PCDH9: variants seen among roughly 807,000 people sequenced by gnomAD.
PCDH9 encodes protocadherin-9.
PCDH9 carries 24 observed loss-of-function variants against 70.6 expected under a neutral mutation model. The observed-to-expected ratio is 0.34, with a 90% confidence interval of 0.25 to 0.48. The LOEUF (loss-of-function observed/expected upper bound fraction) is 0.48, where lower values mean the gene tolerates loss of function less well. Ranked by LOEUF, PCDH9 falls within the 20% of genes least tolerant of loss-of-function variation. The pLI is 0.99. For missense variants in PCDH9, 1,281 were observed against 1,503.6 expected, an observed-to-expected ratio of 0.85 and a Z score of 2.45; for synonymous variants, 562 against 558.5, an observed-to-expected ratio of 1.01 and a Z score of -0.09.
chr13:66,997,783 T>A (rs2084152088), intron 2 of PCDH9, among the ~76,000 whole-genome samples: 1 of 152,158 alleles, frequency 6.6e-6, no homozygotes, highest in Non-Finnish European at 1.5e-5. Flanking sequence ...TCCGCCTGCC[T>A]TGGCCTCCCA....
intron 3 of PCDH9, among the ~76,000 whole-genome samples, chr13:66,733,487 C>G (rs1417212524): frequency 2.0e-5 from 3 of 152,092 alleles, no homozygotes; most frequent in Non-Finnish European, 2.9e-5. Flanking sequence ...AATTCATTCC[C>G]TAGTTTGGCA....
intron 3 of PCDH9, among the ~76,000 whole-genome samples, chr13:66,752,798 C>A (rs2079480914): frequency 6.6e-6 from 1 of 152,144 alleles, no homozygotes; most frequent in South Asian, 2.1e-4. Context: ...CACACATACA[C>A]AATGTGGATT....
At chr13:66,693,140 T>C (rs1417625179) in intron 3 of PCDH9, among the ~76,000 whole-genome samples, 1 of 152,096 alleles carries the variant, frequency 6.6e-6, no homozygotes, top group African/African-American at 2.4e-5. Flanking sequence ...AACCTTGTCA[T>C]CTTGTCAAAA....
At chr13:66,372,841 C>G (rs1956681265) in intron 4 of PCDH9, among the ~76,000 whole-genome samples, 1 of 151,826 alleles carries the variant, frequency 6.6e-6, no homozygotes, top group Non-Finnish European at 1.5e-5. Context: ...TTAGATGACC[C>G]TAATTTAGCC....
At chr13:66,686,306 C>A (rs1039503851) in intron 3 of PCDH9, among the ~76,000 whole-genome samples, 2 of 152,104 alleles carry the variant, frequency 1.3e-5, no homozygotes, top group Non-Finnish European at 2.9e-5. Flanking sequence ...TTTTGCTTGG[C>A]ACTTATCTTT....
At chr13:66,599,143 C>T (rs1035968097) in intron 4 of PCDH9, among the ~76,000 whole-genome samples, 12 of 151,498 alleles carry the variant, frequency 7.9e-5, no homozygotes, top group African/African-American at 1.7e-4. Flanking sequence ...AATATATATG[C>T]ATTTTATTTT....
chr13:66,666,047 C>G (rs1015726561), intron 3 of PCDH9, among the ~76,000 whole-genome samples: 1 of 152,168 alleles, frequency 6.6e-6, no homozygotes, highest in African/African-American at 2.4e-5. Context: ...AGCAAGTGAA[C>G]AGATACTGTT....
chr13:67,192,407 G>T (rs191444572), intron 2 of PCDH9, among the ~76,000 whole-genome samples: 12 of 152,062 alleles, frequency 7.9e-5, no homozygotes, highest in Admixed American at 7.9e-4. Context: ...TTTCTCTGAC[G>T]ATCCCAGTCA....
chr13:66,460,517 A>G (rs531773188), intron 4 of PCDH9, among the ~76,000 whole-genome samples: 2 of 152,020 alleles, frequency 1.3e-5, no homozygotes, highest in Non-Finnish European at 2.9e-5. Flanking sequence ...ACTTTAAAGT[A>G]GAAACATAAC....
At chr13:67,025,065 T>C (rs1436853077) in intron 2 of PCDH9, among the ~76,000 whole-genome samples, 4 of 152,130 alleles carry the variant, frequency 2.6e-5, no homozygotes, top group Non-Finnish European at 4.4e-5. Flanking sequence ...ATGAAGTATA[T>C]GTTATTATTT....
intron 4 of PCDH9, among the ~76,000 whole-genome samples, chr13:66,317,921 C>T (rs1955683300): frequency 6.6e-6 from 1 of 151,902 alleles, no homozygotes; most frequent in Non-Finnish European, 1.5e-5. Context: ...TTGTGAAATA[C>T]ATTGCTTAAA....
chr13:66,984,223 G>A (rs2083841026), intron 2 of PCDH9, among the ~76,000 whole-genome samples: 2 of 151,982 alleles, frequency 1.3e-5, no homozygotes, highest in South Asian at 2.1e-4. Flanking sequence ...CACAAAACAG[G>A]GAAATTGCTC....
At chr13:67,050,981 A>G (rs1227469034) in intron 2 of PCDH9, among the ~76,000 whole-genome samples, 1 of 152,216 alleles carries the variant, frequency 6.6e-6, no homozygotes, top group Non-Finnish European at 1.5e-5. Flanking sequence ...AAGCTCAACA[A>G]GCAATAGATA....
At chr13:66,911,722 A>G (rs893487637) in intron 2 of PCDH9, among the ~76,000 whole-genome samples, 1 of 152,192 alleles carries the variant, frequency 6.6e-6, no homozygotes, top group African/African-American at 2.4e-5. Flanking sequence ...GTTTTAAATT[A>G]CAGGATTACA....
At chr13:66,427,592 T>C (rs1047827954) in intron 4 of PCDH9, among the ~76,000 whole-genome samples, 3 of 151,768 alleles carry the variant, frequency 2.0e-5, no homozygotes, top group Admixed American at 6.6e-5. Flanking sequence ...TCTATTTGAA[T>C]TGCATCCTCA....
intron 4 of PCDH9, among the ~76,000 whole-genome samples, chr13:66,363,960 G>C (rs994931739): frequency 1.3e-5 from 2 of 152,056 alleles, no homozygotes; most frequent in Non-Finnish European, 2.9e-5. Flanking sequence ...TTCGAGACCA[G>C]CCTGGCCAAC....
chr13:66,787,923 A>G (rs10459392), intron 3 of PCDH9, among the ~76,000 whole-genome samples: 1 of 152,168 alleles, frequency 6.6e-6, no homozygotes, highest in African/African-American at 2.4e-5. Flanking sequence ...CCAAAGATAA[A>G]GGTATAGAAG....
intron 2 of PCDH9, among the ~76,000 whole-genome samples, chr13:66,944,506 A>C (rs1001233370): frequency 6.6e-6 from 1 of 152,194 alleles, no homozygotes; most frequent in African/African-American, 2.4e-5. Context: ...ACTGTGGCCC[A>C]GAGAATTACC....
At chr13:66,316,456 G>A (rs1566236216) in intron 4 of PCDH9, among the ~76,000 whole-genome samples, 1 of 152,120 alleles carries the variant, frequency 6.6e-6, no homozygotes, top group Admixed American at 6.5e-5. Flanking sequence ...TCTGGTTCCT[G>A]CAGAGCTTTC....
Sources: allele counts gnomAD v4.1 joint callset (sites outside exome capture counted in the v4.1 genomes callset), GRCh38; gene constraint gnomAD v4.1.1; transcripts MANE v1.5; gene names NCBI Gene and HGNC (gene_info 2026-07-23, HGNC 2026-07-21).